REPS1: variants seen among roughly 807,000 people sequenced by gnomAD.
REPS1 encodes RALBP1 associated Eps domain containing 1, also known as ralBP1-associated Eps domain-containing protein 1.
In REPS1, 39 loss-of-function variants were observed where a neutral mutation model predicts 100.9. That is an observed-to-expected ratio of 0.39 (90% CI 0.30 to 0.50). The LOEUF (loss-of-function observed/expected upper bound fraction) is 0.50, where lower values mean the gene tolerates loss of function less well. Among genes scored for constraint, REPS1 ranks in the 20% least tolerant of loss-of-function variants. The pLI, the probability that REPS1 is intolerant of heterozygous loss-of-function variation, is 0.86. For missense variants in REPS1, 821 were observed against 968.5 expected (o/e 0.85, Z 2.02); for synonymous variants, 324 against 340.3 (o/e 0.95, Z 0.53).
intron 1 of REPS1, among the ~76,000 whole-genome samples, chr6:138,983,501 C>T (rs1785072652): frequency 6.6e-6 from 1 of 152,080 alleles, no homozygotes; most frequent in Admixed American, 6.6e-5. Flanking sequence ...ACACCCACTT[C>T]ACAAGGTTGT....
chr6:138,919,929 G>C lies in REPS1; in HGVS notation c.1528+286C>G, dbSNP rs111413152. ...TGTATCCAATTAACACTGGCTGAAT[G>C]AAAGTATACACAATTTCTTGTGTGA... On this transcript the variant is annotated intron_variant, in intron 12 of 19. Coordinates refer to ENST00000450536, the MANE Select transcript of REPS1 (RefSeq NM_001286611.2). Among the ~76,000 whole-genome samples, 325 of 152,304 alleles carry C rather than the reference G, an allele frequency of 2.1e-3. 2 individuals carry two copies. Among genetic ancestry groups the C allele is most frequent in the African/African-American group, 7.2e-3 (300 of 41,562 alleles).
chr6:138,958,037 GA>G (rs1200925886), intron 1 of REPS1, among the ~76,000 whole-genome samples: 1 of 152,162 alleles, frequency 6.6e-6, no homozygotes, highest in African/African-American at 2.4e-5. Context: ...TCTCAACTTA[GA>G]AAAGTGTTAA....
At chr6:138,938,863 T>C (rs1782041543) in intron 8 of REPS1, among the ~76,000 whole-genome samples, 1 of 151,948 alleles carries the variant, frequency 6.6e-6, no homozygotes, top group South Asian at 2.1e-4. Context: ...TTTTTTTTTT[T>C]TTTAGATGGA....
At chr6:138,910,579 C>T (rs1178767716) in intron 17 of REPS1, among the ~76,000 whole-genome samples, 4 of 152,154 alleles carry the variant, frequency 2.6e-5, no homozygotes, top group Non-Finnish European at 5.9e-5. Flanking sequence ...GTCTCAAACT[C>T]CTGAGTTCAA....
At chr6:138,922,094 T>A (rs772005971) in intron 10 of REPS1, among the ~76,000 whole-genome samples, 33 of 152,296 alleles carry the variant, frequency 2.2e-4, no homozygotes, top group Non-Finnish European at 4.7e-4. Context: ...TATGCAAATG[T>A]GAGCCTTGAA....
intron 1 of REPS1, among the ~76,000 whole-genome samples, chr6:138,981,434 T>C (rs1030677015): frequency 6.6e-6 from 1 of 152,144 alleles, no homozygotes; most frequent in Admixed American, 6.6e-5. Flanking sequence ...ATAAAACCTA[T>C]ATAAGGGAAA....
At chr6:138,953,064 T>C (rs532709350) in intron 1 of REPS1, among the ~76,000 whole-genome samples, 1 of 152,228 alleles carries the variant, frequency 6.6e-6, no homozygotes, top group African/African-American at 2.4e-5. Context: ...CTCGAACTCC[T>C]GACCTCAAGT....
chr6:138,981,083 G>A lies in REPS1; in HGVS notation c.153+6447C>T, dbSNP rs576968145. On this transcript the variant is annotated intron_variant, in intron 1 of 19. Coordinates refer to ENST00000450536, the MANE Select transcript of REPS1 (RefSeq NM_001286611.2). ...AGCTTGACTCAATTAGGGGAAGGCT[G>A]GAAATCACAAATTAAGTGCAAAATT... Among the ~76,000 whole-genome samples, 316 of 152,316 alleles carry A rather than the reference G, an allele frequency of 2.1e-3. 3 individuals are homozygous for A. Among genetic ancestry groups the A allele is most frequent in the Non-Finnish European group, 3.6e-3 (248 of 68,032 alleles).
chr6:138,938,031 A>C (rs1472445942), intron 8 of REPS1, among the ~76,000 whole-genome samples: 1 of 151,644 alleles, frequency 6.6e-6, no homozygotes, highest in African/African-American at 2.4e-5. Flanking sequence ...GAAGACAAAC[A>C]TTCTTAAAAA....
chr6:138,915,831 T>G (rs775539935), intron 14 of REPS1, 27 bp downstream of exon 14: 1 of 1,407,544 alleles, frequency 7.1e-7, no homozygotes, highest in South Asian at 1.2e-5. Flanking sequence ...TAAATGATAA[T>G]GTATATTATG....
At chr6:138,913,657 A>G (rs955591102) in intron 15 of REPS1, among the ~76,000 whole-genome samples, 6 of 152,222 alleles carry the variant, frequency 3.9e-5, no homozygotes, top group Non-Finnish European at 1.5e-5. Context: ...TCTTCCCTTT[A>G]AAAATTCTTC....
intron 1 of REPS1, 109 bp from the exon 2 acceptor site, chr6:138,948,022 T>G: frequency 2.0e-6 from 2 of 997,594 alleles, no homozygotes; most frequent in South Asian, 4.0e-5. Flanking sequence ...ATCTAATAGA[T>G]GGTATAATAC....
chr6:138,908,799 T>G lies in REPS1; in HGVS notation c.2085A>C (p.Pro695=). 1 of 1,614,070 alleles carries G rather than the reference T, an allele frequency of 6.2e-7. No individual in the cohort carries two copies. Among genetic ancestry groups the G allele is most frequent in the Non-Finnish European group, 8.5e-7 (1 of 1,179,994 alleles). The change falls in exon 18 of 20, where the codon CCA becomes CCC. Residue 695 remains proline, a synonymous_variant. Transcript: ENST00000450536. ...APANVSKGTT[P]LAPPPKPVRR... Reference sequence around the variant, plus strand: ...GAACAGGTTTAGGTGGTGGAGCAAGTGGTGTTGTGCCTTTGCTCTTTAAGA... The same window carrying G: ...GAACAGGTTTAGGTGGTGGAGCAAGGGGTGTTGTGCCTTTGCTCTTTAAGA...
intron 1 of REPS1, among the ~76,000 whole-genome samples, chr6:138,975,883 C>T (rs780869177): frequency 1.1e-4 from 17 of 152,018 alleles, no homozygotes; most frequent in East Asian, 5.8e-4. Context: ...AGTTTACAGA[C>T]GAGGAAATGA....
chr6:138,911,275 C>G lies in REPS1; in HGVS notation c.2067+1G>C. On this transcript the variant is annotated splice_donor_variant, in intron 17 of 19. Transcript: ENST00000450536. LOFTEE classifies it high-confidence loss of function. ...ATTATTATAAAAGACATTTTGCATA[C>G]CACATTGGCAGGAGCACTAGCAGCT... is the stretch of plus-strand genomic sequence containing the variant. The G allele has an allele frequency of 6.3e-7, 1 of 1,583,230 alleles. No homozygotes were observed. Among genetic ancestry groups the G allele is most frequent in the Non-Finnish European group, 8.7e-7 (1 of 1,152,806 alleles).
chr6:138,938,456 G>A (rs1205144943), intron 8 of REPS1, among the ~76,000 whole-genome samples: 4 of 152,098 alleles, frequency 2.6e-5, no homozygotes, highest in African/African-American at 4.8e-5. Context: ...GTAACAAATC[G>A]CTGTATTTTC....
chr6:138,941,006 T>C (rs1009588388), intron 8 of REPS1, among the ~76,000 whole-genome samples: 7 of 152,112 alleles, frequency 4.6e-5, no homozygotes, highest in African/African-American at 9.7e-5. Context: ...ATAATGAAGA[T>C]GGGTTACTCT....
At chr6:138,932,337 A>C (rs531242307) in intron 8 of REPS1, among the ~76,000 whole-genome samples, 20 of 152,168 alleles carry the variant, frequency 1.3e-4, no homozygotes, top group Non-Finnish European at 2.6e-4. Context: ...TTTAAAAGAG[A>C]CCTGAAAGGT....
At chr6:138,918,614 CA>C (rs1780561282) in intron 12 of REPS1, among the ~76,000 whole-genome samples, 1 of 151,986 alleles carries the variant, frequency 6.6e-6, no homozygotes, top group Non-Finnish European at 1.5e-5. Flanking sequence ...CTGTAATGGA[CA>C]AAAAGGTCGC....
Sources: gnomAD v4.1 joint callset for allele counts (sites outside exome capture counted in the v4.1 genomes callset) on GRCh38, gnomAD v4.1.1 for gene constraint, MANE v1.5 for transcripts, NCBI Gene and HGNC (gene_info 2026-07-23, HGNC 2026-07-21) for gene names.